Variants in AGBL4 observed in about 807,000 individuals in gnomAD.
AGBL4 encodes the protein AGBL carboxypeptidase 4.
A neutral mutation model predicts 66.4 loss-of-function variants in AGBL4; 58 were observed. That is an observed-to-expected ratio of 0.87 (90% CI 0.71 to 1.09). The LOEUF (loss-of-function observed/expected upper bound fraction) is 1.09. Among genes scored for constraint, AGBL4 ranks in the 50% least tolerant of loss-of-function variants. AGBL4 has a pLI of 0.00. For missense variants in AGBL4, 579 were observed against 631.0 expected (o/e 0.92, Z 0.88); for synonymous variants, 234 against 222.9 (o/e 1.05, Z -0.44).
intron 2 of AGBL4, among the ~76,000 whole-genome samples, chr1:49,752,870 T>C (rs1356640875): frequency 1.3e-5 from 2 of 152,244 alleles, no homozygotes; most frequent in African/African-American, 4.8e-5. Flanking sequence ...AAGTCTGTTT[T>C]ATCTGAGACT....
At chr1:49,833,479 C>T (rs919252705) in intron 2 of AGBL4, among the ~76,000 whole-genome samples, 1 of 152,100 alleles carries the variant, frequency 6.6e-6, no homozygotes, top group Non-Finnish European at 1.5e-5. Flanking sequence ...GATGCGGGCT[C>T]TTTTTTGGTG....
intron 2 of AGBL4, among the ~76,000 whole-genome samples, chr1:49,751,812 T>C (rs778025443): frequency 1.8e-4 from 28 of 152,214 alleles, no homozygotes; most frequent in Non-Finnish European, 3.1e-4. Flanking sequence ...TTAGGTGATG[T>C]ATGTGTCCAG....
intron 3 of AGBL4, among the ~76,000 whole-genome samples, chr1:49,560,124 A>C (rs1644001198): frequency 6.6e-6 from 1 of 152,154 alleles, no homozygotes; most frequent in Admixed American, 6.6e-5. Flanking sequence ...ACCTCACCAA[A>C]TGAACTCAAT....
chr1:48,701,069 G>C (rs576802339), intron 6 of AGBL4, among the ~76,000 whole-genome samples: 2 of 152,308 alleles, frequency 1.3e-5, no homozygotes, highest in East Asian at 3.9e-4. Flanking sequence ...AAGCCCAGGA[G>C]TGGTGGGAAA....
intron 2 of AGBL4, among the ~76,000 whole-genome samples, chr1:49,766,953 A>G: frequency 6.6e-6 from 1 of 152,182 alleles, no homozygotes; most frequent in South Asian, 2.1e-4. Flanking sequence ...GATTCATAAA[A>G]CAAGTACTTC....
rs541720034 is a variant in AGBL4, at chr1:49,424,709, C to T, written c.283-178845G>A. 3.7e-4 allele frequency among the ~76,000 whole-genome samples: 57 copies of T among 152,268 alleles called. No homozygotes were observed. The South Asian group carries it at 0.011, about 30-fold the overall frequency. ...TGGTGTAGCCAGTGTTTAAAGCCCA[C>T]GAGGTTTACAATGCATGCTCTTATT... On this transcript the variant is annotated intron_variant, in intron 3 of 13. Coordinates refer to ENST00000371839, the MANE Select transcript of AGBL4 (RefSeq NM_032785.4).
At chr1:49,646,628 T>G (rs1166200015) in intron 3 of AGBL4, among the ~76,000 whole-genome samples, 1 of 151,976 alleles carries the variant, frequency 6.6e-6, no homozygotes, top group Non-Finnish European at 1.5e-5. Context: ...GTAGATTCAG[T>G]GCAATCCCAA....
intron 3 of AGBL4, among the ~76,000 whole-genome samples, chr1:49,571,549 T>C (rs1247320848): frequency 2.0e-5 from 3 of 152,078 alleles, no homozygotes; most frequent in African/African-American, 7.2e-5. Context: ...TCTATACTGA[T>C]TTGAGGCCTT....
chr1:49,298,549 T>A (rs1031875502), intron 3 of AGBL4, among the ~76,000 whole-genome samples: 1 of 152,160 alleles, frequency 6.6e-6, no homozygotes, highest in Non-Finnish European at 1.5e-5. Flanking sequence ...CAGGGCTGCA[T>A]CTTACTCCCT....
At chr1:49,237,661 C>A (rs942307234) in intron 4 of AGBL4, among the ~76,000 whole-genome samples, 25 of 150,922 alleles carry the variant, frequency 1.7e-4, no homozygotes, top group Non-Finnish European at 3.5e-4. Context: ...CTTTACCTTT[C>A]CACGTGTAAT....
chr1:49,821,134 C>T (rs543309718), intron 2 of AGBL4, among the ~76,000 whole-genome samples: 5 of 152,246 alleles, frequency 3.3e-5, no homozygotes, highest in Admixed American at 2.0e-4. Context: ...GCTGATTGTG[C>T]GGTCCAGTAT....
intron 3 of AGBL4, among the ~76,000 whole-genome samples, chr1:49,354,825 A>T (rs534524957): frequency 6.6e-6 from 1 of 152,330 alleles, no homozygotes; most frequent in Non-Finnish European, 1.5e-5. Flanking sequence ...CTATACAAGC[A>T]TTTAAGAAAC....
chr1:49,263,003 T>C (rs1653362914), intron 3 of AGBL4, among the ~76,000 whole-genome samples: 1 of 152,154 alleles, frequency 6.6e-6, no homozygotes. Flanking sequence ...ATGTCCTTTG[T>C]AGGGACATGG....
At chr1:48,552,717 T>C (rs939523741) in intron 11 of AGBL4, among the ~76,000 whole-genome samples, 3 of 152,012 alleles carry the variant, frequency 2.0e-5, no homozygotes, top group Admixed American at 6.6e-5. Context: ...ACTGGTCTAG[T>C]GGTTGTACAG....
intron 1 of AGBL4, among the ~76,000 whole-genome samples, chr1:49,914,498 A>T (rs1410414221): frequency 6.6e-6 from 1 of 152,168 alleles, no homozygotes; most frequent in Non-Finnish European, 1.5e-5. Context: ...ACAACCACTT[A>T]AGTAATCTCT....
chr1:48,567,625 G>A lies in AGBL4; in HGVS notation c.1267+19379C>T, dbSNP rs1162800508. Among the ~76,000 whole-genome samples the A allele has an allele frequency of 2.6e-5, 4 of 152,152 alleles. No individual in the cohort carries two copies. In the East Asian group the frequency reaches 5.8e-4, roughly 22 times the overall value. On this transcript the variant is annotated intron_variant, in intron 11 of 13. Coordinates refer to ENST00000371839, the MANE Select transcript of AGBL4 (RefSeq NM_032785.4). Reference sequence around the variant, plus strand: ...AAAAAATCCTCAGACAGTATATTACGAATGCAAAGGTACAACACTGGCTCT... The same window carrying A: ...AAAAAATCCTCAGACAGTATATTACAAATGCAAAGGTACAACACTGGCTCT...
At chr1:49,929,200 T>C (rs1470468458) in intron 1 of AGBL4, among the ~76,000 whole-genome samples, 1 of 152,026 alleles carries the variant, frequency 6.6e-6, no homozygotes, top group African/African-American at 2.4e-5. Flanking sequence ...AAACCACCTA[T>C]TGGGTAACAG....
rs185575334 is a variant in AGBL4 at position 49,063,167 on chromosome 1, T to C, written c.378-17367A>G. Among the ~76,000 whole-genome samples the C allele has an allele frequency of 3.4e-3, 516 of 152,340 alleles. 4 individuals are homozygous for C. Among genetic ancestry groups the C allele is most frequent in the Non-Finnish European group, 4.1e-3 (277 of 68,020 alleles). On this transcript the variant is annotated intron_variant, in intron 4 of 13. Transcript: ENST00000371839. ...AGCATAATTGTTACTTGAAAGACTT[T>C]CTTTGCAATCTATTTGGGAAGTCTA... is the stretch of plus-strand genomic sequence containing the variant.
intron 4 of AGBL4, among the ~76,000 whole-genome samples, chr1:49,112,472 G>C (rs181741558): frequency 2.2e-4 from 34 of 152,272 alleles, no homozygotes; most frequent in African/African-American, 7.9e-4. Flanking sequence ...AATAAACTTT[G>C]CTGCATCAAT....
Sources: gnomAD v4.1 joint callset for allele counts (sites outside exome capture counted in the v4.1 genomes callset) on GRCh38, gnomAD v4.1.1 for gene constraint, MANE v1.5 for transcripts, NCBI Gene and HGNC (gene_info 2026-07-23, HGNC 2026-07-21) for gene names.